The following SGCE variants were observed in gnomAD, a reference collection of about 807,000 sequenced individuals.
The protein encoded by SGCE is epsilon-sarcoglycan.
In SGCE, 26 loss-of-function variants were observed where a neutral mutation model predicts 57.8. The ratio of observed to expected loss-of-function variants is 0.45; its 90% CI spans 0.33 to 0.62. The LOEUF (loss-of-function observed/expected upper bound fraction) is 0.62, where lower values mean the gene tolerates loss of function less well. Among genes scored for constraint, SGCE ranks in the 20% least tolerant of loss-of-function variants. The pLI is 0.02. For missense variants in SGCE, 468 were observed against 548.6 expected, an observed-to-expected ratio of 0.85 and a Z score of 1.47; for synonymous variants, 183 against 189.5, an observed-to-expected ratio of 0.97 and a Z score of 0.28.
At chr7:94,588,937 A>C in intron 9 of SGCE, 1 of 588,562 alleles carries the variant, frequency 1.7e-6, no homozygotes, top group Non-Finnish European at 3.0e-6. Context: ...GATAACATGC[A>C]TGAAATTTTC....
chr7:94,594,700 C>G (rs1054032826), intron 9 of SGCE, among the ~76,000 whole-genome samples: 1 of 152,048 alleles, frequency 6.6e-6, no homozygotes. Flanking sequence ...CTGGCTGAGG[C>G]GTATCTGGGA....
At chr7:94,610,962 T>G (rs762960239) in intron 5 of SGCE, among the ~76,000 whole-genome samples, 8 of 152,172 alleles carry the variant, frequency 5.3e-5, no homozygotes, top group Non-Finnish European at 7.4e-5. Flanking sequence ...CACTTCACTT[T>G]CACTAGGATG....
chr7:94,602,164 C>T (rs189508577), intron 6 of SGCE, among the ~76,000 whole-genome samples: 12 of 152,110 alleles, frequency 7.9e-5, no homozygotes, highest in Admixed American at 7.2e-4. Flanking sequence ...GGGAGAGGAA[C>T]CTAAGTTATG....
At chr7:94,641,784 C>G (rs1269749240) in intron 1 of SGCE, among the ~76,000 whole-genome samples, 1 of 151,806 alleles carries the variant, frequency 6.6e-6, no homozygotes, top group Non-Finnish European at 1.5e-5. Context: ...AATTCAAAAC[C>G]CAGATTATTA....
intron 5 of SGCE, among the ~76,000 whole-genome samples, chr7:94,611,187 C>T (rs1800966770): frequency 6.6e-6 from 1 of 152,160 alleles, no homozygotes; most frequent in African/African-American, 2.4e-5. Context: ...TACACAAAGA[C>T]TTGTACATGA....
At chr7:94,616,071 G>A (rs1178135363) in intron 5 of SGCE, among the ~76,000 whole-genome samples, 1 of 152,252 alleles carries the variant, frequency 6.6e-6, no homozygotes. Flanking sequence ...TGATTTAGGA[G>A]AAGTTTGAAA....
At chr7:94,594,960 A>C (rs1471888381) in intron 9 of SGCE, among the ~76,000 whole-genome samples, 3 of 152,108 alleles carry the variant, frequency 2.0e-5, no homozygotes, top group Non-Finnish European at 4.4e-5. Context: ...TTCCCTGTCC[A>C]CTGCCTCTTT....
chr7:94,596,804 CT>C (rs1370137364), intron 9 of SGCE, among the ~76,000 whole-genome samples: 3 of 151,924 alleles, frequency 2.0e-5, no homozygotes, highest in Non-Finnish European at 4.4e-5. Context: ...GTTGCTACTA[CT>C]TTTTTCCAAG....
At chr7:94,648,825 CT>C (rs1322232213) in intron 1 of SGCE, among the ~76,000 whole-genome samples, 1 of 152,238 alleles carries the variant, frequency 6.6e-6, no homozygotes, top group Non-Finnish European at 1.5e-5. Context: ...AGCAACTATA[CT>C]TCCATGCATA....
intron 3 of SGCE, chr7:94,625,289 C>T (rs1213192327): frequency 6.6e-6 from 1 of 151,866 alleles, no homozygotes; most frequent in Non-Finnish European, 1.5e-5. Context: ...ATACCTGTTA[C>T]TATAAATGAA....
intron 4 of SGCE, chr7:94,622,704 G>A (rs1272600085): frequency 1.3e-5 from 2 of 151,652 alleles, no homozygotes; most frequent in East Asian, 3.9e-4. Flanking sequence ...ATTTGAGAGT[G>A]TAATTCTGAG....
At chr7:94,605,488 CTT>C (rs977304896) in intron 5 of SGCE, among the ~76,000 whole-genome samples, 7 of 150,494 alleles carry the variant, frequency 4.7e-5, no homozygotes, top group African/African-American at 1.7e-4. Flanking sequence ...TTTATATACA[CTT>C]ATAGATAAGC....
At chr7:94,586,085 AAAC>A (rs1195984155) in intron 10 of SGCE, among the ~76,000 whole-genome samples, 4 of 150,678 alleles carry the variant, frequency 2.7e-5, no homozygotes, top group African/African-American at 9.7e-5. Context: ...AAAAAAAAAA[AAAC>A]AACAACTTCA....
intron 4 of SGCE, chr7:94,619,666 T>C (rs570777981): frequency 7.2e-5 from 11 of 152,364 alleles, no homozygotes; most frequent in African/African-American, 2.6e-4. Flanking sequence ...TTTAATAATA[T>C]TTCTGTAAGA....
chr7:94,590,264 CAT>C (rs1797493552), intron 9 of SGCE, among the ~76,000 whole-genome samples: 1 of 152,104 alleles, frequency 6.6e-6, no homozygotes, highest in African/African-American at 2.4e-5. Flanking sequence ...AAATTTTTAA[CAT>C]ATTATTTTTA....
In SGCE at chr7:94,599,782, A is replaced by T; in HGVS notation, c.1038-59T>A. 6.9e-6 allele frequency: 8 copies of T among 1,165,138 alleles called. No homozygotes were observed. In the South Asian group the frequency reaches 9.8e-5, roughly 14 times the overall value. 72.2% of individuals were successfully genotyped at this position (1,165,138 alleles called of 1,614,324 possible). ...TAGCATTGATATTTGGAACATTAAG[A>T]CTATATGCTCATGGGATCTTGCATG... On this transcript the variant is annotated intron_variant, in intron 7 of 10. Coordinates refer to ENST00000648936, the MANE Select transcript of SGCE (RefSeq NM_003919.3).
chr7:94,630,886 A>AAGATC (rs918700246), intron 1 of SGCE, among the ~76,000 whole-genome samples: 9 of 151,974 alleles, frequency 5.9e-5, no homozygotes, highest in African/African-American at 2.2e-4. Flanking sequence ...CTTGGATAGC[A>AAGATC]AGATCACTGA....
intron 1 of SGCE, among the ~76,000 whole-genome samples, chr7:94,647,988 T>C (rs191003882): frequency 6.6e-6 from 1 of 152,204 alleles, no homozygotes; most frequent in Admixed American, 6.5e-5. Flanking sequence ...ACCCCACTAG[T>C]GTAAAAAGTT....
rs1584687759 is a variant in SGCE, at chr7:94,627,478, A to G, written c.390+724T>C. ...ACAGAGCCCTCAAAGATCTGCCCCT[A>G]CCAGCATCAACGCCTCCCATTCCCA... On this transcript the variant is annotated intron_variant, in intron 3 of 10. Coordinates refer to ENST00000648936, the MANE Select transcript of SGCE (RefSeq NM_003919.3). 2.0e-5 allele frequency: 3 copies of G among 152,098 alleles called. No homozygotes were observed. The South Asian group carries it at 6.2e-4, about 32-fold the overall frequency. The allele number at this position is 152,098 out of a possible 1,614,324, so 9.4% of individuals were successfully genotyped here.
Sources: gnomAD v4.1 joint callset for allele counts (sites outside exome capture counted in the v4.1 genomes callset) on GRCh38, gnomAD v4.1.1 for gene constraint, MANE v1.5 for transcripts, NCBI Gene and HGNC (gene_info 2026-07-23, HGNC 2026-07-21) for gene names.